The following HS6ST1 variants were observed in gnomAD, a reference collection of about 807,000 sequenced individuals.
HS6ST1 encodes heparan sulfate 6-O-sulfotransferase 1.
A neutral mutation model predicts 25.2 loss-of-function variants in HS6ST1; 3 were observed. The observed-to-expected ratio is 0.12, with a 90% CI of 0.05 to 0.31. The LOEUF is 0.31. Among genes scored for constraint, HS6ST1 ranks in the 10% least tolerant of loss-of-function variants. The pLI is 1.00. For synonymous variants in HS6ST1, 204 were observed against 275.1 expected, an observed-to-expected ratio of 0.74 and a Z score of 2.56; for missense variants, 310 against 609.6, an observed-to-expected ratio of 0.51 and a Z score of 5.18.
At chr2:128,309,134 C>T (rs1694252454) in intron 1 of HS6ST1, among the ~76,000 whole-genome samples, 1 of 152,198 alleles carries the variant, frequency 6.6e-6, no homozygotes, top group African/African-American at 2.4e-5. Context: ...CTGGTATGGT[C>T]CCGGGGTTTC....
At position 128,268,834 on chromosome 2, in the gene HS6ST1, C is replaced by T. The variant is rs1693567722; in HGVS notation, c.564G>A (p.Val188=). 1 of 1,612,084 alleles carries T rather than the reference C, an allele frequency of 6.2e-7. No homozygotes were observed. Among genetic ancestry groups the T allele is most frequent in the African/African-American group, 1.3e-5 (1 of 75,058 alleles). The change falls in exon 2 of 2, where the codon GTG becomes GTA. Residue 188 remains valine (V), a synonymous_variant. Transcript: ENST00000259241. ...GCCGCCACTCGCTCAGGTAGCGGGA[C>T]ACGGGGTCTCGTAGCAGGGTGATGT... ...FYYITLLRDP[V]SRYLSEWRHV...
At chr2:128,307,715 G>A (rs72839434) in intron 1 of HS6ST1, among the ~76,000 whole-genome samples, 1,940 of 152,324 alleles carry the variant, frequency 0.013, 18 homozygotes, top group Middle Eastern at 0.027. Flanking sequence ...AGAGCACAGA[G>A]GTCCCATTTC....
chr2:128,289,299 G>GC (rs551404281), intron 1 of HS6ST1, among the ~76,000 whole-genome samples: 129 of 152,262 alleles, frequency 8.5e-4, no homozygotes, highest in African/African-American at 3.0e-3. Flanking sequence ...CCATTTTATG[G>GC]CCCCCCATCA....
intron 1 of HS6ST1, among the ~76,000 whole-genome samples, chr2:128,314,990 C>T (rs893919763): frequency 2.6e-5 from 4 of 152,178 alleles, no homozygotes; most frequent in African/African-American, 9.7e-5. Flanking sequence ...TGAGTGACAG[C>T]GGAGTGTGGG....
chr2:128,285,820 G>GC (rs772919157), intron 1 of HS6ST1, among the ~76,000 whole-genome samples: 1 of 152,230 alleles, frequency 6.6e-6, no homozygotes, highest in Non-Finnish European at 1.5e-5. Context: ...GGTACTGGGA[G>GC]CTGAGGGCCT....
intron 1 of HS6ST1, among the ~76,000 whole-genome samples, chr2:128,269,941 C>T (rs1005816358): frequency 5.3e-5 from 8 of 152,226 alleles, no homozygotes; most frequent in South Asian, 2.1e-4. Flanking sequence ...GAGCACAAAG[C>T]GCTTCTTGGT....
chr2:128,313,369 G>A (rs943242185), intron 1 of HS6ST1, among the ~76,000 whole-genome samples: 2 of 152,164 alleles, frequency 1.3e-5, no homozygotes, highest in African/African-American at 2.4e-5. Flanking sequence ...CACTCAGAGC[G>A]GAGCAGCTGC....
At chr2:128,290,063 TAC>T (rs1406302614) in intron 1 of HS6ST1, 1 of 152,038 alleles carries the variant, frequency 6.6e-6, no homozygotes, top group African/African-American at 2.4e-5. Context: ...CACATGTATC[TAC>T]AGATATACAT....
chr2:128,284,200 A>G (rs1693827089), intron 1 of HS6ST1, among the ~76,000 whole-genome samples: 1 of 152,152 alleles, frequency 6.6e-6, no homozygotes, highest in African/African-American at 2.4e-5. Flanking sequence ...CTAGGTGCTC[A>G]GACAGGGCAG....
At chr2:128,284,805 G>A (rs566108024) in intron 1 of HS6ST1, among the ~76,000 whole-genome samples, 14 of 152,268 alleles carry the variant, frequency 9.2e-5, no homozygotes, top group South Asian at 2.1e-4. Context: ...CCCTCTTAAC[G>A]GGGCTGACTG....
At chr2:128,304,122 T>G (rs369819942) in intron 1 of HS6ST1, among the ~76,000 whole-genome samples, 2 of 152,374 alleles carry the variant, frequency 1.3e-5, no homozygotes, top group South Asian at 2.1e-4. Flanking sequence ...CTGGCTTCCC[T>G]GGTTCTCCAG....
rs562128696 is a variant in HS6ST1 at position 128,272,393 on chromosome 2, C to T, written c.528-3523G>A. Among the ~76,000 whole-genome samples the T allele has an allele frequency of 1.2e-4, 19 of 152,316 alleles. No homozygotes were observed. In the South Asian group the frequency reaches 2.9e-3, roughly 23 times the overall value. ...ATAAGCGGTTGCCAGTGCAGGAGTG[C>T]GAGAAGAGCCCAGAGCACCCAGCAG... On this transcript the variant is annotated intron_variant, in intron 1 of 1. Coordinates refer to ENST00000259241, the MANE Select transcript of HS6ST1 (RefSeq NM_004807.3).
At chr2:128,293,719 C>T (rs951639714) in intron 1 of HS6ST1, among the ~76,000 whole-genome samples, 9 of 152,168 alleles carry the variant, frequency 5.9e-5, no homozygotes, top group Admixed American at 5.2e-4. Context: ...CCTCAGGTCA[C>T]CAGTGAAGGA....
At chr2:128,283,833 C>T (rs1015811867) in intron 1 of HS6ST1, among the ~76,000 whole-genome samples, 6 of 152,160 alleles carry the variant, frequency 3.9e-5, no homozygotes, top group African/African-American at 4.8e-5. Context: ...CTAGAGCTAT[C>T]GCCACTCCTG....
intron 1 of HS6ST1, among the ~76,000 whole-genome samples, chr2:128,279,367 C>A (rs1183670017): frequency 7.5e-6 from 1 of 133,096 alleles, no homozygotes; most frequent in African/African-American, 3.0e-5. Context: ...AATACTGTTG[C>A]ATTACTTCTG....
At chr2:128,299,914 G>C (rs1694098078) in intron 1 of HS6ST1, among the ~76,000 whole-genome samples, 1 of 152,184 alleles carries the variant, frequency 6.6e-6, no homozygotes, top group African/African-American at 2.4e-5. Flanking sequence ...AAACACCAGC[G>C]CCAGCAAGGC....
At chr2:128,312,787 C>T (rs1558882283) in intron 1 of HS6ST1, among the ~76,000 whole-genome samples, 2 of 152,176 alleles carry the variant, frequency 1.3e-5, no homozygotes, top group Admixed American at 6.5e-5. Flanking sequence ...TAGGCTGGTG[C>T]GGTGGCTCAC....
chr2:128,313,365 G>A (rs1257315623), intron 1 of HS6ST1, among the ~76,000 whole-genome samples: 1 of 152,312 alleles, frequency 6.6e-6, no homozygotes, highest in East Asian at 1.9e-4. Flanking sequence ...GGCACACTCA[G>A]AGCGGAGCAG....
intron 1 of HS6ST1, among the ~76,000 whole-genome samples, chr2:128,311,378 C>T (rs567117452): frequency 1.3e-4 from 20 of 152,262 alleles, no homozygotes; most frequent in African/African-American, 3.9e-4. Context: ...GGGGATGGCC[C>T]GAGTCTGCCT....
Sources: allele counts gnomAD v4.1 joint callset (sites outside exome capture counted in the v4.1 genomes callset), GRCh38; gene constraint gnomAD v4.1.1; transcripts MANE v1.5; gene names NCBI Gene and HGNC (gene_info 2026-07-23, HGNC 2026-07-21).